DHX37: variants seen among roughly 807,000 people sequenced by gnomAD.
The protein encoded by DHX37 is probable ATP-dependent RNA helicase DHX37.
Under a neutral mutation model 134.3 loss-of-function variants are expected in DHX37, and 52 were observed. That is an observed-to-expected ratio of 0.39 (90% CI 0.31 to 0.49). The LOEUF (loss-of-function observed/expected upper bound fraction) is 0.49, where lower values mean the gene tolerates loss of function less well. Among genes scored for constraint, DHX37 ranks in the 20% least tolerant of loss-of-function variants. The probability of loss-of-function intolerance (pLI) is 0.93; values close to 1 mark genes in which losing one functional copy is unlikely to be tolerated. For synonymous variants in DHX37, 634 were observed against 670.7 expected, an observed-to-expected ratio of 0.95 and a Z score of 0.85; for missense variants, 1,344 against 1,580.8, an observed-to-expected ratio of 0.85 and a Z score of 2.54.
chr12:124,956,613 T>C (rs7973725), intron 18 of DHX37, 78 bp downstream of exon 18: 134,759 of 1,450,328 alleles, frequency 0.093, 15,176 homozygotes, highest in African/African-American at 0.57. Flanking sequence ...CTCAGCCTCC[T>C]GAGTAGCTGG....
chr12:124,957,656 G>A lies in DHX37; in HGVS notation c.2158-521C>T, dbSNP rs140243181. On this transcript the variant is annotated intron_variant, in intron 16 of 26. Transcript: ENST00000308736. ...ACAAAAATTAGCCGGGTGTGGTGGC[G>A]CTCGCCTGTAGTCCCAGCTACTTGG... 8.9e-3 allele frequency among the ~76,000 whole-genome samples: 1,356 copies of A among 152,150 alleles called. 16 individuals are homozygous for A. The highest frequency in any genetic ancestry group is 0.031 in the African/African-American group (1,296 of 41,492).
intron 8 of DHX37, 117 bp downstream of exon 8, chr12:124,971,185 C>T: frequency 6.8e-7 from 1 of 1,468,708 alleles, no homozygotes; most frequent in Non-Finnish European, 9.1e-7. Flanking sequence ...CTCGGGGTAC[C>T]TGCTCATGGC....
chr12:124,981,696 A>G (rs1426627598), intron 3 of DHX37, among the ~76,000 whole-genome samples: 1 of 150,662 alleles, frequency 6.6e-6, no homozygotes, highest in Non-Finnish European at 1.5e-5. Context: ...CGGCCTCCCA[A>G]AGTGCTAGGA....
At chr12:124,971,152 C>T (rs1360503445) in intron 8 of DHX37, 150 bp downstream of exon 8, 10 of 1,285,050 alleles carry the variant, frequency 7.8e-6, no homozygotes, top group Non-Finnish European at 1.1e-5. Context: ...TAGGCCTAGA[C>T]CTAGGCCCAG....
intron 14 of DHX37, 118 bp downstream of exon 14, chr12:124,964,811 CA>C: frequency 7.0e-7 from 1 of 1,437,774 alleles, no homozygotes; most frequent in Non-Finnish European, 9.3e-7. Flanking sequence ...CAATATTCCT[CA>C]AAACTCTGGG....
intron 15 of DHX37, among the ~76,000 whole-genome samples, chr12:124,961,260 ACACATACACGCGTGCACGCACACACACT>A (rs1566332480): frequency 9.4e-6 from 1 of 106,082 alleles, no homozygotes; most frequent in Non-Finnish European, 1.7e-5. Context: ...ACGCACGCAC[ACACATACACGCGTGCACGCACACACACT>A]TACACGCGTG....
Position 124,968,591 on chromosome 12 carries a change from C to T in DHX37, c.1351G>A (p.Asp451Asn). Residue 451 changes from aspartate to asparagine, a missense_variant, in exon 10 of 27, where the codon GAC becomes AAC. Coordinates refer to ENST00000308736, the MANE Select transcript of DHX37 (RefSeq NM_032656.4). Reference protein sequence around the residue: ...VHFNKRTPLEDYSGECFRKVC... With the variant: ...VHFNKRTPLENYSGECFRKVC... Reference sequence around the variant, plus strand: ...TTCCGGAAGCACTCGCCACTGTAGTCTTCCAGCGGTGTCCGCTTGTTGAAA... The same window carrying T: ...TTCCGGAAGCACTCGCCACTGTAGTTTTCCAGCGGTGTCCGCTTGTTGAAA... 6.2e-7 allele frequency: 1 copy of T among 1,614,142 alleles called. No individual in the cohort carries two copies. The highest frequency in any genetic ancestry group is 8.5e-7 in the Non-Finnish European group (1 of 1,180,058).
At position 124,956,769 on chromosome 12, in the gene DHX37, C is replaced by T. The variant is rs747470305; in HGVS notation, c.2375G>A (p.Arg792Gln). The T allele has an allele frequency of 8.0e-5, 129 of 1,610,720 alleles. 3 individuals are homozygous for T. In the South Asian group the frequency reaches 8.4e-4, roughly 10 times the overall value. ...PRYAKMLALSRQHGCLPYAIT... is the reference protein window; with the variant it reads ...PRYAKMLALSQQHGCLPYAIT... ...GGCATAGGGCAGGCAGCCGTGTTGT[C>T]GGCTCAGTGCCAGCATCTTAGCGTA... Residue 792 changes from arginine (R) to glutamine (Q), a missense_variant, in exon 18 of 27, where the codon CGA becomes CAA. Physicochemically the swap from Arg to Gln is conservative, Grantham distance 43. Around this residue, in one of 7 missense-constraint regions of DHX37, gnomAD observed 558 missense variants for 650.0 expected, o/e 0.86. Coordinates refer to ENST00000308736, the MANE Select transcript of DHX37 (RefSeq NM_032656.4).
intron 16 of DHX37, among the ~76,000 whole-genome samples, chr12:124,960,025 G>C (rs529925679): frequency 8.5e-5 from 13 of 152,224 alleles, no homozygotes; most frequent in African/African-American, 2.4e-4. Context: ...AGGAAGAGCC[G>C]GCAGCACGTT....
chr12:124,969,153 GT>G (rs1954466506), intron 8 of DHX37, among the ~76,000 whole-genome samples, 185 bp from the exon 9 acceptor site: 1 of 152,202 alleles, frequency 6.6e-6, no homozygotes, highest in South Asian at 2.1e-4. Context: ...TCCCAGGGCG[GT>G]GGCTTGTTCC....
chr12:124,971,286 C>G lies in DHX37; in HGVS notation c.1191+16G>C. ...CCTAGGGCTCGGGGCTCCCCAGCAC[C>G]CGCCTCCTGCGCTACCTTAGCCCGG... On this transcript the variant is annotated intron_variant, in intron 8 of 26. Coordinates refer to ENST00000308736, the MANE Select transcript of DHX37 (RefSeq NM_032656.4). 1 of 1,609,684 alleles carries G rather than the reference C, an allele frequency of 6.2e-7. No individual in the cohort carries two copies. The highest frequency in any genetic ancestry group is 8.5e-7 in the Non-Finnish European group (1 of 1,179,022).
intron 4 of DHX37, 102 bp from the exon 5 acceptor site, chr12:124,977,592 G>T: frequency 7.5e-7 from 1 of 1,339,442 alleles, no homozygotes; most frequent in Non-Finnish European, 9.8e-7. Flanking sequence ...GAACAGATGT[G>T]CCTGCTGGGG....
chr12:124,950,890 T>C, intron 21 of DHX37, 86 bp from the exon 22 acceptor site: 1 of 1,454,902 alleles, frequency 6.9e-7, no homozygotes, highest in Non-Finnish European at 9.0e-7. Flanking sequence ...AGAATCTGAT[T>C]ATCCACTCCA....
Position 124,966,865 on chromosome 12 carries a change from A to G in DHX37, c.1518T>C (p.Asp506=). ...SRARPQEKDD[D]QKDSVEEMRK... is the part of the protein sequence containing the mutation. ...GCATTTCCTCCACCGAGTCTTTCTGATCGTCGTCCTTTTCTGGGAGAGGGG... is the reference window on the plus strand; with the variant it reads ...GCATTTCCTCCACCGAGTCTTTCTGGTCGTCGTCCTTTTCTGGGAGAGGGG... Residue 506 remains aspartate, a synonymous_variant, in exon 12 of 27, where the codon GAT becomes GAC. Transcript: ENST00000308736. The G allele has an allele frequency of 6.2e-7, 1 of 1,614,140 alleles. No homozygotes were observed. Among genetic ancestry groups the G allele is most frequent in the Non-Finnish European group, 8.5e-7 (1 of 1,180,028 alleles).
chr12:124,964,899 CA>C, intron 14 of DHX37, 30 bp downstream of exon 14: 1 of 1,567,038 alleles, frequency 6.4e-7, no homozygotes, highest in Non-Finnish European at 8.7e-7. Flanking sequence ...AAAAGTGCCC[CA>C]AAAGCTGGGC....
Position 124,949,227 on chromosome 12 carries a change from G to A in DHX37, c.3290+759C>T, listed in dbSNP as rs915922390. On this transcript the variant is annotated intron_variant, in intron 25 of 26. Coordinates refer to ENST00000308736, the MANE Select transcript of DHX37 (RefSeq NM_032656.4). This position sits in a 1 kb window ranked among gnomAD's most constrained non-coding sequence, Gnocchi z 4.0. ...AAAACGTGAGCTGAGTGACTGACAC[G>A]GCTCCTGACAGCCCAGCAGCGGGTG... is the stretch of plus-strand genomic sequence containing the variant. 4.6e-5 allele frequency among the ~76,000 whole-genome samples: 7 copies of A among 152,168 alleles called. No individual in the cohort carries two copies. Among genetic ancestry groups the A allele is most frequent in the Admixed American group, 2.0e-4 (3 of 15,276 alleles).
At position 124,971,408 on chromosome 12, in the gene DHX37, A is replaced by AGGAAGTCCTGGGG; in HGVS notation, c.1078-6_1084dup (p.Leu362ProfsTer40). 6.2e-7 allele frequency: 1 copy of AGGAAGTCCTGGGG among 1,613,168 alleles called. No homozygotes were observed. Among genetic ancestry groups the AGGAAGTCCTGGGG allele is most frequent in the Non-Finnish European group, 8.5e-7 (1 of 1,179,950 alleles). On this transcript the variant is annotated frameshift_variant, in exon 8 of 27. Coordinates refer to ENST00000308736, the MANE Select transcript of DHX37 (RefSeq NM_032656.4). LOFTEE classifies it high-confidence loss of function. ...GATCACCACCTTGTACCGCAGCAGC[A>AGGAAGTCCTGGGG]GGAAGTCCTGGGGGGAGGTCCGGGG... is the stretch of plus-strand genomic sequence containing the variant.
intron 23 of DHX37, 27 bp from the exon 24 acceptor site, chr12:124,950,270 GGACCCTCCT>G: frequency 6.2e-7 from 1 of 1,612,642 alleles, no homozygotes; most frequent in Non-Finnish European, 8.5e-7. Context: ...AGTGAGACAG[GGACCCTCCT>G]GCAGCTGCCC....
intron 15 of DHX37, among the ~76,000 whole-genome samples, chr12:124,961,252 G>A (rs76012764): frequency 6.7e-4 from 72 of 106,836 alleles, no homozygotes; most frequent in African/African-American, 4.1e-3. Context: ...ACGCGTGCAC[G>A]CACGCACACA....
Sources: allele counts gnomAD v4.1 joint callset (sites outside exome capture counted in the v4.1 genomes callset), GRCh38; gene constraint gnomAD v4.1.1; regional missense constraint gnomAD v4.1.1; non-coding constraint Gnocchi (gnomAD v3.1); transcripts MANE v1.5; gene names NCBI Gene and HGNC (gene_info 2026-07-23, HGNC 2026-07-21).